LRMDA: variants seen among roughly 807,000 people sequenced by gnomAD.
The protein encoded by LRMDA is leucine-rich melanocyte differentiation-associated protein.
Under a neutral mutation model 29.8 loss-of-function variants are expected in LRMDA, and 18 were observed. That is an observed-to-expected ratio of 0.60 (90% CI 0.42 to 0.90). LRMDA has a LOEUF of 0.90. Ranked by LOEUF, LRMDA falls within the 40% of genes least tolerant of loss-of-function variation. The pLI, the probability that LRMDA is intolerant of heterozygous loss-of-function variation, is 0.00. For missense variants in LRMDA, 273 were observed against 273.9 expected (o/e 1.00, Z 0.02); for synonymous variants, 125 against 109.4 (o/e 1.14, Z -0.89).
intron 2 of LRMDA, among the ~76,000 whole-genome samples, chr10:75,534,737 C>T (rs1450872726): frequency 6.6e-6 from 1 of 152,156 alleles, no homozygotes; most frequent in Non-Finnish European, 1.5e-5. Context: ...CTCAAACCAC[C>T]AAATGGCTGA....
At chr10:76,316,894 C>A (rs1404900979) in intron 5 of LRMDA, among the ~76,000 whole-genome samples, 1 of 152,210 alleles carries the variant, frequency 6.6e-6, no homozygotes, top group Non-Finnish European at 1.5e-5. Flanking sequence ...ACTACCCATG[C>A]TATTAGTAAA....
intron 2 of LRMDA, among the ~76,000 whole-genome samples, chr10:75,670,211 C>G (rs746353628): frequency 6.6e-6 from 1 of 152,112 alleles, no homozygotes; most frequent in Non-Finnish European, 1.5e-5. Context: ...GGAAGGAAAA[C>G]GAAATCTCCT....
chr10:75,709,246 A>G (rs1305276955), intron 2 of LRMDA, among the ~76,000 whole-genome samples: 1 of 152,248 alleles, frequency 6.6e-6, no homozygotes, highest in Non-Finnish European at 1.5e-5. Context: ...AAGAGACAAC[A>G]GGAAAATAAA....
At chr10:76,359,619 C>G (rs181126639) in intron 6 of LRMDA, among the ~76,000 whole-genome samples, 4 of 152,282 alleles carry the variant, frequency 2.6e-5, no homozygotes, top group East Asian at 3.9e-4. Flanking sequence ...TCAGTTTGCT[C>G]TGATCAAGAA....
chr10:76,131,764 A>G (rs532325612), intron 5 of LRMDA, among the ~76,000 whole-genome samples: 47 of 152,238 alleles, frequency 3.1e-4, no homozygotes, highest in African/African-American at 1.1e-3. Context: ...AGCCATGCAC[A>G]TTCTCTCTGA....
chr10:75,641,981 A>G (rs1841459640), intron 2 of LRMDA, among the ~76,000 whole-genome samples: 3 of 152,202 alleles, frequency 2.0e-5, no homozygotes, highest in African/African-American at 7.2e-5. Flanking sequence ...AGTGTATTGT[A>G]CTCATAACTC....
At chr10:76,227,274 G>A (rs1851976455) in intron 5 of LRMDA, among the ~76,000 whole-genome samples, 1 of 152,216 alleles carries the variant, frequency 6.6e-6, no homozygotes, top group South Asian at 2.1e-4. Context: ...TATCGGTAAA[G>A]TATATTGAAG....
chr10:75,639,713 G>A (rs1455723452), intron 2 of LRMDA, among the ~76,000 whole-genome samples: 1 of 152,212 alleles, frequency 6.6e-6, no homozygotes, highest in African/African-American at 2.4e-5. Context: ...TTAGGTTTGA[G>A]AGAAGTGAAC....
chr10:76,323,665 G>A (rs931005063), intron 5 of LRMDA, among the ~76,000 whole-genome samples: 16 of 152,284 alleles, frequency 1.1e-4, no homozygotes, highest in African/African-American at 3.8e-4. Context: ...TCACAAGGAT[G>A]TTGGGTTCTG....
chr10:76,231,850 TGA>T (rs1381678136), intron 5 of LRMDA, among the ~76,000 whole-genome samples: 1 of 152,180 alleles, frequency 6.6e-6, no homozygotes, highest in Non-Finnish European at 1.5e-5. Flanking sequence ...ACAGTTAGTT[TGA>T]GATTAGTGCT....
intron 2 of LRMDA, among the ~76,000 whole-genome samples, chr10:75,894,544 A>C (rs1042703548): frequency 3.9e-5 from 6 of 152,192 alleles, no homozygotes; most frequent in South Asian, 4.1e-4. Flanking sequence ...GTAGACACCC[A>C]ATAGTGGGAG....
chr10:76,211,624 C>T (rs1336002552), intron 5 of LRMDA, among the ~76,000 whole-genome samples: 1 of 152,202 alleles, frequency 6.6e-6, no homozygotes, highest in Non-Finnish European at 1.5e-5. Flanking sequence ...GGGTGACTTG[C>T]ACAAGATAGG....
At chr10:75,513,500 A>T (rs149295615) in intron 2 of LRMDA, among the ~76,000 whole-genome samples, 96 of 152,316 alleles carry the variant, frequency 6.3e-4, no homozygotes, top group East Asian at 3.5e-3. Context: ...CTGCTGTAAC[A>T]AAGTACCACA....
At chr10:75,541,226 G>A (rs780688803) in intron 2 of LRMDA, among the ~76,000 whole-genome samples, 34 of 152,084 alleles carry the variant, frequency 2.2e-4, no homozygotes, top group East Asian at 5.8e-4. Flanking sequence ...ATTTGGAGCC[G>A]ATTTGGAACT....
chr10:76,139,501 G>C (rs1850160091), intron 5 of LRMDA, among the ~76,000 whole-genome samples: 1 of 152,028 alleles, frequency 6.6e-6, no homozygotes, highest in Non-Finnish European at 1.5e-5. Context: ...TGATTTGGTA[G>C]CCATAATTTC....
intron 6 of LRMDA, among the ~76,000 whole-genome samples, chr10:76,375,362 A>G (rs755991136): frequency 5.9e-5 from 9 of 152,100 alleles, no homozygotes; most frequent in Non-Finnish European, 1.2e-4. Context: ...AGGTTAGGCC[A>G]ATCTTTCTCA....
chr10:76,441,059 G>T lies in LRMDA; in HGVS notation c.602-116150G>T, dbSNP rs181782718. On this transcript the variant is annotated intron_variant, in intron 6 of 6. Coordinates refer to ENST00000611255, the MANE Select transcript of LRMDA (RefSeq NM_001305581.2). The stretch of plus-strand genomic sequence containing the variant: ...ATTCCTTCTTACTGGTAAATCTTCC[G>T]CTTGCATTCCTTCCTTCCATCAACA... Among the ~76,000 whole-genome samples, 642 of 152,060 alleles carry T rather than the reference G, an allele frequency of 4.2e-3. 8 individuals are homozygous for T. The highest frequency in any genetic ancestry group is 2.8e-3 in the Non-Finnish European group (191 of 67,998).
intron 2 of LRMDA, among the ~76,000 whole-genome samples, chr10:75,703,290 G>T (rs1842330111): frequency 1.3e-5 from 2 of 152,176 alleles, no homozygotes; most frequent in Non-Finnish European, 2.9e-5. Context: ...GGGATTGGGG[G>T]ACGCAAGCGT....
At chr10:76,383,415 CTTTTTTTTTT>C (rs1157185768) in intron 6 of LRMDA, among the ~76,000 whole-genome samples, 7 of 87,268 alleles carry the variant, frequency 8.0e-5, no homozygotes, top group South Asian at 4.6e-4. Flanking sequence ...AATGTCTTTT[CTTTTTTTTTT>C]TTTTTTTTTT....
Sources: gnomAD v4.1 joint callset for allele counts (sites outside exome capture counted in the v4.1 genomes callset) on GRCh38, gnomAD v4.1.1 for gene constraint, MANE v1.5 for transcripts, NCBI Gene and HGNC (gene_info 2026-07-23, HGNC 2026-07-21) for gene names.